Variants in RBMS1 observed in about 807,000 individuals in gnomAD.
The protein encoded by RBMS1 is RNA-binding motif, single-stranded-interacting protein 1.
RBMS1 carries 17 observed loss-of-function variants against 62.3 expected under a neutral mutation model. The observed-to-expected ratio is 0.27, with a 90% confidence interval of 0.19 to 0.41. The LOEUF (loss-of-function observed/expected upper bound fraction) is 0.41. RBMS1 is among the 10% of genes least tolerant of loss of function. RBMS1 has a pLI of 1.00. For synonymous variants in RBMS1, 172 were observed against 170.0 expected (o/e 1.01, Z -0.09); for missense variants, 334 against 504.5 (o/e 0.66, Z 3.24).
chr2:160,277,645 G>A, intron 11 of RBMS1: 1 of 331,308 alleles, frequency 3.0e-6, no homozygotes, highest in South Asian at 5.6e-5. Flanking sequence ...GTTTATTATG[G>A]GTGAAGATAA....
intron 1 of RBMS1, among the ~76,000 whole-genome samples, chr2:160,443,479 G>A (rs1683506436): frequency 1.3e-5 from 2 of 151,920 alleles, no homozygotes; most frequent in Admixed American, 1.3e-4. Context: ...GAATAGCCTG[G>A]GCCATCTCCT....
rs368982549 is a variant in RBMS1 at position 160,471,691 on chromosome 2, G to GTATATA, written c.75+21592_75+21597dup. Among the ~76,000 whole-genome samples, 511 of 65,932 alleles carry GTATATA rather than the reference G, an allele frequency of 7.8e-3. 25 individuals are homozygous for GTATATA. Among genetic ancestry groups the GTATATA allele is most frequent in the Middle Eastern group, 0.018 (2 of 114 alleles). The allele number at this position is 65,932 out of a possible 152,430, so 43.3% of individuals were successfully genotyped here. On this transcript the variant is annotated intron_variant, in intron 1 of 13. Transcript: ENST00000348849. Reference sequence around the variant, plus strand: ...AATCATGTTTGGGAAATCCTTTGGTGTATATATATATATATATATATATAT... The same window carrying GTATATA: ...AATCATGTTTGGGAAATCCTTTGGTGTATATATATATATATATATATATATATATAT...
intron 1 of RBMS1, among the ~76,000 whole-genome samples, chr2:160,465,884 ACACACT>A (rs1037616023): frequency 6.8e-6 from 1 of 148,058 alleles, no homozygotes; most frequent in Non-Finnish European, 1.5e-5. Context: ...ACACACACAC[ACACACT>A]CTCACATTTC....
Position 160,459,708 on chromosome 2 carries a change from C to T in RBMS1, c.75+33581G>A, listed in dbSNP as rs901568369. Among the ~76,000 whole-genome samples the T allele has an allele frequency of 1.1e-4, 17 of 152,162 alleles. 1 individual carries two copies. Among genetic ancestry groups the T allele is most frequent in the African/African-American group, 4.1e-4 (17 of 41,436 alleles). On this transcript the variant is annotated intron_variant, in intron 1 of 13. Coordinates refer to ENST00000348849, the MANE Select transcript of RBMS1 (RefSeq NM_016836.4). ...ACCAAAGTTCTCAATAAATAATTTACTCCACTTTTCCATTACTTAGAAAGT... is the reference window on the plus strand; with the variant it reads ...ACCAAAGTTCTCAATAAATAATTTATTCCACTTTTCCATTACTTAGAAAGT...
chr2:160,428,970 T>A (rs1406166326), intron 1 of RBMS1, among the ~76,000 whole-genome samples: 2 of 152,208 alleles, frequency 1.3e-5, no homozygotes, highest in Non-Finnish European at 2.9e-5. Context: ...CCTATGATCC[T>A]CCTAGTTTGG....
At chr2:160,488,216 GT>G (rs1349836692) in intron 1 of RBMS1, among the ~76,000 whole-genome samples, 1 of 152,072 alleles carries the variant, frequency 6.6e-6, no homozygotes, top group African/African-American at 2.4e-5. Context: ...GACCTCCATC[GT>G]CCCATTGCTG....
intron 1 of RBMS1, among the ~76,000 whole-genome samples, chr2:160,381,053 T>C (rs1694261438): frequency 6.6e-6 from 1 of 152,182 alleles, no homozygotes; most frequent in East Asian, 1.9e-4. Context: ...GGAGAGGTTA[T>C]CTCATTCTGC....
At chr2:160,393,182 C>G (rs1379869301) in intron 1 of RBMS1, among the ~76,000 whole-genome samples, 1 of 152,070 alleles carries the variant, frequency 6.6e-6, no homozygotes, top group Admixed American at 6.6e-5. Context: ...TGTTTCTATA[C>G]AGGAAACAAA....
At chr2:160,446,979 C>G (rs1219830904) in intron 1 of RBMS1, among the ~76,000 whole-genome samples, 1 of 152,256 alleles carries the variant, frequency 6.6e-6, no homozygotes, top group Non-Finnish European at 1.5e-5. Flanking sequence ...CCTTGCACCC[C>G]TTCTTCATGT....
intron 1 of RBMS1, among the ~76,000 whole-genome samples, chr2:160,426,294 GAAA>G (rs1559537472): frequency 0.014 from 884 of 65,180 alleles, 3 homozygotes; most frequent in African/African-American, 0.018. Flanking sequence ...AGAAAGAAAA[GAAA>G]GAAGGAAGGA....
At chr2:160,397,946 C>T (rs1337784369) in intron 1 of RBMS1, among the ~76,000 whole-genome samples, 1 of 152,184 alleles carries the variant, frequency 6.6e-6, no homozygotes, top group African/African-American at 2.4e-5. Context: ...AATATAGAAT[C>T]TGTGCTCCCC....
intron 1 of RBMS1, among the ~76,000 whole-genome samples, chr2:160,410,773 C>T (rs1695994535): frequency 6.6e-6 from 1 of 152,056 alleles, no homozygotes; most frequent in Admixed American, 6.5e-5. Context: ...GAGACGAAGT[C>T]TCGCTCTGTT....
intron 2 of RBMS1, among the ~76,000 whole-genome samples, chr2:160,339,202 G>C (rs1691734863): frequency 6.6e-6 from 1 of 152,150 alleles, no homozygotes. Context: ...GTCATCTAAC[G>C]AGAGAGTTAC....
At chr2:160,408,056 G>A (rs994514687) in intron 1 of RBMS1, among the ~76,000 whole-genome samples, 2 of 149,096 alleles carry the variant, frequency 1.3e-5, no homozygotes, top group African/African-American at 4.9e-5. Context: ...GATCGGGGCC[G>A]GAGCCGGGGC....
Position 160,434,648 on chromosome 2 carries a change from T to C in RBMS1, c.75+58641A>G, listed in dbSNP as rs902049252. Among the ~76,000 whole-genome samples the C allele has an allele frequency of 2.6e-5, 4 of 152,328 alleles. No homozygotes were observed. In the South Asian group the frequency reaches 8.3e-4, roughly 32 times the overall value. Reference sequence around the variant, plus strand: ...GCACTTGAAATATGGCTAGCATAACTAAGAAACTTAATTTTTAAGTAATTT... The same window carrying C: ...GCACTTGAAATATGGCTAGCATAACCAAGAAACTTAATTTTTAAGTAATTT... On this transcript the variant is annotated intron_variant, in intron 1 of 13. Transcript: ENST00000348849.
At chr2:160,277,162 A>T in intron 12 of RBMS1, 141 bp downstream of exon 12, 1 of 703,618 alleles carries the variant, frequency 1.4e-6, no homozygotes, top group Non-Finnish European at 2.3e-6. Flanking sequence ...TTGGACTTAC[A>T]GGCATGACCC....
intron 1 of RBMS1, among the ~76,000 whole-genome samples, chr2:160,455,576 A>T (rs1337210518): frequency 1.3e-5 from 2 of 152,182 alleles, no homozygotes; most frequent in Non-Finnish European, 2.9e-5. Context: ...AAAATTGTGA[A>T]CCTGCCTGGA....
chr2:160,346,308 T>C (rs1349981083), intron 2 of RBMS1, among the ~76,000 whole-genome samples: 2 of 152,134 alleles, frequency 1.3e-5, no homozygotes, highest in Non-Finnish European at 2.9e-5. Context: ...CTAAGCAAAG[T>C]GGGCAGCAGT....
chr2:160,365,459 A>G (rs1206555895), intron 2 of RBMS1, among the ~76,000 whole-genome samples: 2 of 152,232 alleles, frequency 1.3e-5, no homozygotes, highest in Admixed American at 1.3e-4. Flanking sequence ...AACAACAAAA[A>G]AGAAATGAAT....
Sources: allele counts gnomAD v4.1 joint callset (sites outside exome capture counted in the v4.1 genomes callset), GRCh38; gene constraint gnomAD v4.1.1; transcripts MANE v1.5; gene names NCBI Gene and HGNC (gene_info 2026-07-23, HGNC 2026-07-21).